Variants in NCALD observed in about 807,000 individuals in gnomAD.
NCALD encodes the protein neurocalcin-delta.
NCALD carries 10 observed loss-of-function variants against 18.6 expected under a neutral mutation model. The observed-to-expected ratio is 0.54, with a 90% CI of 0.33 to 0.91. NCALD has a LOEUF of 0.91. Among genes scored for constraint, NCALD ranks in the 40% least tolerant of loss-of-function variants. The probability of loss-of-function intolerance (pLI) is 0.03; values close to 1 mark genes in which losing one functional copy is unlikely to be tolerated. For missense variants in NCALD, 184 were observed against 247.6 expected (o/e 0.74, Z 1.72); for synonymous variants, 88 against 87.4 (o/e 1.01, Z -0.04).
chr8:101,909,287 C>T (rs560311933), intron 3 of NCALD, among the ~76,000 whole-genome samples: 2 of 152,306 alleles, frequency 1.3e-5, no homozygotes, highest in East Asian at 3.9e-4. Context: ...TCCACTCATA[C>T]TTTTCAGCAC....
chr8:101,827,284 G>A (rs1052900065), intron 4 of NCALD, among the ~76,000 whole-genome samples: 1 of 151,996 alleles, frequency 6.6e-6, no homozygotes, highest in Non-Finnish European at 1.5e-5. Flanking sequence ...ATTGTATTTT[G>A]GGCCCACCCA....
At chr8:101,987,224 T>A (rs1424531129) in intron 2 of NCALD, among the ~76,000 whole-genome samples, 1 of 152,226 alleles carries the variant, frequency 6.6e-6, no homozygotes, top group Non-Finnish European at 1.5e-5. Flanking sequence ...TATTGCCTTT[T>A]CTCAACATGC....
At chr8:102,027,502 C>G (rs138854016) in intron 1 of NCALD, among the ~76,000 whole-genome samples, 1,832 of 152,338 alleles carry the variant, frequency 0.012, 34 homozygotes, top group Non-Finnish European at 0.016. Flanking sequence ...GTTTATATCA[C>G]TATCAGCATT....
intron 1 of NCALD, among the ~76,000 whole-genome samples, chr8:102,095,261 G>A (rs1329240542): frequency 6.6e-6 from 1 of 152,186 alleles, no homozygotes; most frequent in African/African-American, 2.4e-5. Flanking sequence ...GGTGGCAGAT[G>A]GAGTGAGGGA....
intron 3 of NCALD, among the ~76,000 whole-genome samples, chr8:101,903,880 G>A (rs145765486): frequency 1.3e-5 from 2 of 152,334 alleles, no homozygotes; most frequent in Non-Finnish European, 2.9e-5. Flanking sequence ...CTGTATATCT[G>A]TGAGTCCCTG....
chr8:101,828,341 A>G lies in NCALD; in HGVS notation c.-20+58800T>C, dbSNP rs111244369. Among the ~76,000 whole-genome samples, 1,426 of 152,140 alleles carry G rather than the reference A, an allele frequency of 9.4e-3. 27 individuals are homozygous for G. The highest frequency in any genetic ancestry group is 0.027 in the African/African-American group (1,126 of 41,520). On this transcript the variant is annotated intron_variant, in intron 4 of 6. Coordinates refer to the NCALD transcript ENST00000311028. ...CGCTCCCGATTACTACCCCGATTCA[A>G]TGCTTCCTCTCCCCGTCACTCATTC...
At chr8:102,037,610 C>T (rs1822915656) in intron 1 of NCALD, among the ~76,000 whole-genome samples, 1 of 151,526 alleles carries the variant, frequency 6.6e-6, no homozygotes, top group African/African-American at 2.4e-5. Flanking sequence ...AGATTAAGGG[C>T]ATTTTTTATT....
intron 1 of NCALD, among the ~76,000 whole-genome samples, chr8:101,783,967 C>A (rs1245830581): frequency 6.6e-6 from 1 of 152,186 alleles, no homozygotes; most frequent in Non-Finnish European, 1.5e-5. Context: ...ACAGGCATTT[C>A]ACTCATTTCT....
At position 101,944,390 on chromosome 8, in the gene NCALD, A is replaced by G. The variant is rs373105549; in HGVS notation, c.-156-28532T>C. Among the ~76,000 whole-genome samples, 27 of 152,332 alleles carry G rather than the reference A, an allele frequency of 1.8e-4. No individual in the cohort carries two copies. The East Asian group carries it at 4.1e-3, about 23-fold the overall frequency. ...ACCTATAAAGAACAGTAGAAAGGAGAGTGGCAGAGAAGCAAGAAAACAGAG... is the reference window on the plus strand; with the variant it reads ...ACCTATAAAGAACAGTAGAAAGGAGGGTGGCAGAGAAGCAAGAAAACAGAG... On this transcript the variant is annotated intron_variant, in intron 2 of 6. Coordinates refer to the NCALD transcript ENST00000311028.
rs554125730 is a variant in NCALD, at chr8:101,689,428, G to A, written c.485-22C>T. On this transcript the variant is annotated intron_variant, in intron 3 of 3. Transcript: ENST00000220931. This position sits in a 1 kb window ranked among gnomAD's most constrained non-coding sequence, Gnocchi z 4.4. ...TTTCCTAGGAAGCAAGAGGACAGGT[G>A]AGTGGTGGCTGGTGGCAGCTGCATG... 3.2e-6 allele frequency: 5 copies of A among 1,570,910 alleles called. No individual in the cohort carries two copies. The South Asian group carries it at 5.8e-5, about 18-fold the overall frequency.
At chr8:101,707,978 G>T (rs1040244389) in intron 2 of NCALD, among the ~76,000 whole-genome samples, 5 of 152,170 alleles carry the variant, frequency 3.3e-5, no homozygotes, top group Non-Finnish European at 7.4e-5. Flanking sequence ...TAGTAAAAGT[G>T]CTGATTACAA....
intron 2 of NCALD, among the ~76,000 whole-genome samples, chr8:101,962,928 A>G (rs1563936898): frequency 6.6e-6 from 1 of 152,188 alleles, no homozygotes; most frequent in African/African-American, 2.4e-5. Context: ...AAACAAACAA[A>G]AAAAACAAAA....
intron 1 of NCALD, among the ~76,000 whole-genome samples, chr8:101,756,441 AC>A (rs1810883829): frequency 6.6e-6 from 1 of 152,216 alleles, no homozygotes; most frequent in Non-Finnish European, 1.5e-5. Context: ...TGAGTATCAG[AC>A]TGTACCTGGC....
chr8:102,029,246 G>T, intron 1 of NCALD: 1 of 152,282 alleles, frequency 6.6e-6, no homozygotes, highest in Non-Finnish European at 1.5e-5. Flanking sequence ...CAGGGAAATG[G>T]GCCTGGAGAG....
chr8:101,893,186 A>G (rs968188757), intron 3 of NCALD, among the ~76,000 whole-genome samples: 2 of 151,940 alleles, frequency 1.3e-5, no homozygotes, highest in African/African-American at 2.4e-5. Flanking sequence ...CCTACAAGCC[A>G]GAAGAGAGTG....
At chr8:101,825,903 G>T (rs554242688) in intron 4 of NCALD, among the ~76,000 whole-genome samples, 4 of 152,186 alleles carry the variant, frequency 2.6e-5, no homozygotes, top group Non-Finnish European at 5.9e-5. Flanking sequence ...AAAGAAAACA[G>T]GAGGCAGGCT....
chr8:102,027,829 T>C (rs1822515356), intron 1 of NCALD, among the ~76,000 whole-genome samples: 1 of 152,126 alleles, frequency 6.6e-6, no homozygotes, highest in Non-Finnish European at 1.5e-5. Flanking sequence ...AACACACCCT[T>C]CTTCGCACAG....
chr8:102,077,602 C>T (rs978200187), intron 1 of NCALD, among the ~76,000 whole-genome samples: 1 of 152,156 alleles, frequency 6.6e-6, no homozygotes, highest in Admixed American at 6.5e-5. Context: ...AATGCCTGCC[C>T]GTCCTATCCC....
chr8:101,880,163 C>T (rs545041758), intron 4 of NCALD, among the ~76,000 whole-genome samples: 8 of 152,142 alleles, frequency 5.3e-5, no homozygotes, highest in African/African-American at 1.7e-4. Context: ...AGCTGAGGCC[C>T]GGCGAGAATT....
Sources: gnomAD v4.1 joint callset for allele counts (sites outside exome capture counted in the v4.1 genomes callset) on GRCh38, gnomAD v4.1.1 for gene constraint, Gnocchi (gnomAD v3.1) non-coding constraint, MANE v1.5 for transcripts, NCBI Gene and HGNC (gene_info 2026-07-23, HGNC 2026-07-21) for gene names.